The following RPS6KC1 variants were observed in gnomAD, a reference collection of about 807,000 sequenced individuals.
RPS6KC1 encodes inactive ribosomal protein S6 kinase delta-1.
A neutral mutation model predicts 103.8 loss-of-function variants in RPS6KC1; 54 were observed. That is an observed-to-expected ratio of 0.52 (90% CI 0.42 to 0.65). The LOEUF (loss-of-function observed/expected upper bound fraction) is 0.65. RPS6KC1 is among the 30% of genes least tolerant of loss of function. The pLI, the probability that RPS6KC1 is intolerant of heterozygous loss-of-function variation, is 0.00. For missense variants in RPS6KC1, 1,151 were observed against 1,253.8 expected (o/e 0.92, Z 1.24); for synonymous variants, 439 against 438.7 (o/e 1.00, Z -0.01).
chr1:213,102,869 C>T (rs2082134870), intron 3 of RPS6KC1, among the ~76,000 whole-genome samples: 1 of 152,212 alleles, frequency 6.6e-6, no homozygotes, highest in Non-Finnish European at 1.5e-5. Flanking sequence ...CATCCATGAA[C>T]CATTGCCTAA....
chr1:213,821,926 T>A, the RPS6KC1 span: 1 of 152,206 alleles, frequency 6.6e-6, no homozygotes, highest in Non-Finnish European at 1.5e-5. Flanking sequence ...CTGGGAGAGA[T>A]TGCCTTGGGT....
chr1:213,566,470 T>G, the RPS6KC1 span, among the ~76,000 whole-genome samples: 13 of 50,156 alleles, frequency 2.6e-4, no homozygotes, highest in Admixed American at 1.5e-3. Context: ...TTTTTTTTTT[T>G]TTTTTTTTTT....
chr1:213,134,220 A>G (rs774340500), intron 6 of RPS6KC1, among the ~76,000 whole-genome samples: 12 of 152,208 alleles, frequency 7.9e-5, no homozygotes, highest in Non-Finnish European at 1.5e-4. Context: ...ATTTGCTGCC[A>G]TAGTTATACC....
At chr1:213,515,145 G>A in the RPS6KC1 span, among the ~76,000 whole-genome samples, 1 of 152,076 alleles carries the variant, frequency 6.6e-6, no homozygotes. Flanking sequence ...TGTCAGATGA[G>A]TAGATTGCAA....
chr1:213,740,154 G>A, the RPS6KC1 span, among the ~76,000 whole-genome samples: 1 of 152,102 alleles, frequency 6.6e-6, no homozygotes, highest in Non-Finnish European at 1.5e-5. Flanking sequence ...TTTCTTTTGA[G>A]TATCACAGTG....
the RPS6KC1 span, among the ~76,000 whole-genome samples, chr1:213,605,682 C>A: frequency 6.6e-6 from 1 of 152,156 alleles, no homozygotes; most frequent in Non-Finnish European, 1.5e-5. Context: ...ATAGTAGGTG[C>A]TCAATGAATA....
At chr1:213,267,629 C>A (rs2094942458) in intron 14 of RPS6KC1, among the ~76,000 whole-genome samples, 1 of 151,716 alleles carries the variant, frequency 6.6e-6, no homozygotes, top group African/African-American at 2.4e-5. Context: ...TAAATATTTC[C>A]AAAGAACTAA....
At chr1:213,067,249 G>A (rs568063009) in intron 1 of RPS6KC1, among the ~76,000 whole-genome samples, 31 of 152,268 alleles carry the variant, frequency 2.0e-4, no homozygotes, top group Non-Finnish European at 3.7e-4. Context: ...CTCAACCTTA[G>A]CAAAATGAAC....
the RPS6KC1 span, among the ~76,000 whole-genome samples, chr1:213,790,186 T>C: frequency 1.3e-5 from 2 of 151,980 alleles, no homozygotes; most frequent in Non-Finnish European, 2.9e-5. Context: ...GGAGGTAGAG[T>C]GGTGGTAGTG....
the RPS6KC1 span, among the ~76,000 whole-genome samples, chr1:213,832,936 C>A: frequency 3.0e-3 from 462 of 152,244 alleles, 3 homozygotes; most frequent in African/African-American, 0.011. Context: ...AACTTAGCTG[C>A]AGCCTGACAG....
chr1:213,168,025 GTC>G (rs2091151568), intron 7 of RPS6KC1, 52 bp downstream of exon 7: 2 of 1,122,258 alleles, frequency 1.8e-6, no homozygotes, highest in Non-Finnish European at 1.3e-6. Context: ...TTGCTGTCTG[GTC>G]TCTCTGCTTT....
the RPS6KC1 span, among the ~76,000 whole-genome samples, chr1:213,389,506 G>A: frequency 2.6e-5 from 4 of 152,196 alleles, no homozygotes; most frequent in South Asian, 2.1e-4. Context: ...AGAGGCTCGC[G>A]TGCACATGCG....
the RPS6KC1 span, among the ~76,000 whole-genome samples, chr1:213,326,447 A>G: frequency 6.6e-6 from 1 of 152,252 alleles, no homozygotes. Context: ...GGTGATTCAG[A>G]TGAGGCAGAT....
At chr1:213,066,585 G>C (rs902345274) in intron 1 of RPS6KC1, among the ~76,000 whole-genome samples, 2 of 152,196 alleles carry the variant, frequency 1.3e-5, no homozygotes, top group Non-Finnish European at 2.9e-5. Flanking sequence ...AGGTCCTGCT[G>C]CTTGTCACAC....
At chr1:213,196,453 A>G (rs1291996431) in intron 8 of RPS6KC1, among the ~76,000 whole-genome samples, 1 of 151,978 alleles carries the variant, frequency 6.6e-6, no homozygotes, top group African/African-American at 2.4e-5. Flanking sequence ...TCTCCTGATT[A>G]TTTCTTTTGC....
At chr1:213,700,572 T>G in the RPS6KC1 span, among the ~76,000 whole-genome samples, 1 of 152,042 alleles carries the variant, frequency 6.6e-6, no homozygotes, top group Admixed American at 6.5e-5. Context: ...TTAGGATTTT[T>G]TTTTTCTATT....
chr1:213,415,426 G>A, the RPS6KC1 span, among the ~76,000 whole-genome samples: 1 of 152,224 alleles, frequency 6.6e-6, no homozygotes, highest in African/African-American at 2.4e-5. Context: ...GGAGCAAAGA[G>A]GACTCGGTTC....
the RPS6KC1 span, among the ~76,000 whole-genome samples, chr1:213,322,569 C>G: frequency 6.6e-6 from 1 of 152,034 alleles, no homozygotes; most frequent in Admixed American, 6.6e-5. Context: ...AAAACAGCAC[C>G]CACTTATTAT....
At chr1:213,589,938 G>GGTGTGTGTGTGTGTGT in the RPS6KC1 span, among the ~76,000 whole-genome samples, 2 of 132,728 alleles carry the variant, frequency 1.5e-5, no homozygotes, top group East Asian at 2.2e-4. Flanking sequence ...AAAAGGTAGT[G>GGTGTGTGTGTGTGTGT]GTGTGTGTGT....
Sources: allele counts gnomAD v4.1 joint callset (sites outside exome capture counted in the v4.1 genomes callset), GRCh38; gene constraint gnomAD v4.1.1; transcripts MANE v1.5; gene names NCBI Gene and HGNC (gene_info 2026-07-23, HGNC 2026-07-21).